FGF12: variants seen among roughly 807,000 people sequenced by gnomAD.
The protein encoded by FGF12 is fibroblast growth factor 12B.
In FGF12, 14 loss-of-function variants were observed where a neutral mutation model predicts 23.6. The observed-to-expected ratio is 0.59, with a 90% confidence interval of 0.39 to 0.93. The LOEUF (loss-of-function observed/expected upper bound fraction) is 0.93. Ranked by LOEUF, FGF12 falls within the 40% of genes least tolerant of loss-of-function variation. The pLI is 0.00. For synonymous variants in FGF12, 62 were observed against 77.3 expected, an observed-to-expected ratio of 0.80 and a Z score of 1.04; for missense variants, 175 against 217.8, an observed-to-expected ratio of 0.80 and a Z score of 1.24.
At chr3:192,314,910 T>C (rs920070997) in intron 4 of FGF12, among the ~76,000 whole-genome samples, 8 of 152,198 alleles carry the variant, frequency 5.3e-5, no homozygotes, top group Admixed American at 5.2e-4. Flanking sequence ...CAGGATTCTT[T>C]AGAAGGTTAA....
At chr3:192,198,443 C>G (rs1717195377) in intron 4 of FGF12, among the ~76,000 whole-genome samples, 1 of 151,912 alleles carries the variant, frequency 6.6e-6, no homozygotes, top group Admixed American at 6.6e-5. Flanking sequence ...AAGCTAAAAT[C>G]AGTAATAATG....
At chr3:192,448,089 G>A (rs1560114289) in intron 2 of FGF12, among the ~76,000 whole-genome samples, 1 of 152,064 alleles carries the variant, frequency 6.6e-6, no homozygotes, top group Non-Finnish European at 1.5e-5. Context: ...ATATATGTGT[G>A]TATACACATA....
At chr3:192,547,389 A>G (rs553107173) in intron 2 of FGF12, among the ~76,000 whole-genome samples, 1 of 151,920 alleles carries the variant, frequency 6.6e-6, no homozygotes, top group Non-Finnish European at 1.5e-5. Context: ...ATAGTTCTCA[A>G]CTCCCTCAAG....
intron 5 of FGF12, among the ~76,000 whole-genome samples, chr3:192,146,401 G>C (rs1189773320): frequency 6.6e-6 from 1 of 151,508 alleles, no homozygotes; most frequent in Non-Finnish European, 1.5e-5. Context: ...CTCCCAAGTA[G>C]CTGGGACTAT....
chr3:192,511,258 C>T (rs1474704973), intron 2 of FGF12, among the ~76,000 whole-genome samples: 1 of 150,580 alleles, frequency 6.6e-6, no homozygotes, highest in East Asian at 1.9e-4. Flanking sequence ...CACACACCTG[C>T]TACTATTACT....
At chr3:192,521,387 G>T (rs1724808532) in intron 2 of FGF12, 1 of 152,096 alleles carries the variant, frequency 6.6e-6, no homozygotes, top group Admixed American at 6.5e-5. Context: ...TTAGCCATAA[G>T]AAAACTTTAA....
intron 2 of FGF12, among the ~76,000 whole-genome samples, chr3:192,653,891 A>G (rs1223508647): frequency 6.6e-6 from 1 of 151,826 alleles, no homozygotes; most frequent in Non-Finnish European, 1.5e-5. Flanking sequence ...ATTTTTGTGT[A>G]TGGGTTTATT....
chr3:192,660,417 G>A (rs979497159), intron 2 of FGF12, among the ~76,000 whole-genome samples: 1 of 150,972 alleles, frequency 6.6e-6, no homozygotes, highest in Non-Finnish European at 1.5e-5. Flanking sequence ...GTTAAATGAT[G>A]AGTTAATGGG....
Position 192,514,635 on chromosome 3 carries a change from G to GT in FGF12, c.14-154098dup. ...AGAAGGGAAGGGGGCATTCTGCAGT[G>GT]TTTGGGGGCTGGGGAAAGAACATTT... On this transcript the variant is annotated intron_variant, in intron 2 of 5. Coordinates refer to ENST00000445105, the MANE Select transcript of FGF12 (RefSeq NM_004113.6). The surrounding 1 kb of genome is among the most constrained non-coding windows in gnomAD (Gnocchi z 4.9). The GT allele has an allele frequency of 1.1e-6, 1 of 950,238 alleles. No homozygotes were observed. 58.9% of individuals were successfully genotyped at this position (950,238 alleles called of 1,614,324 possible).
intron 2 of FGF12, among the ~76,000 whole-genome samples, chr3:192,600,174 C>T (rs1714053710): frequency 6.6e-6 from 1 of 152,020 alleles, no homozygotes; most frequent in African/African-American, 2.4e-5. Flanking sequence ...TTCCTGGCGC[C>T]TTTGTCAAAA....
intron 2 of FGF12, among the ~76,000 whole-genome samples, chr3:192,598,360 C>T (rs1169261836): frequency 6.6e-6 from 1 of 152,130 alleles, no homozygotes; most frequent in East Asian, 1.9e-4. Flanking sequence ...ACACTATCTG[C>T]CTTACTAGCT....
intron 5 of FGF12, among the ~76,000 whole-genome samples, chr3:192,163,549 T>G (rs990924247): frequency 2.6e-5 from 4 of 152,050 alleles, no homozygotes; most frequent in African/African-American, 9.7e-5. Context: ...AACACCAAAT[T>G]CAGAACACTG....
At position 192,393,393 on chromosome 3, in the gene FGF12, T is replaced by C. The variant is rs367715994; in HGVS notation, c.14-32855A>G. 2.6e-5 allele frequency among the ~76,000 whole-genome samples: 4 copies of C among 152,324 alleles called. No homozygotes were observed. The East Asian group carries it at 7.7e-4, about 29-fold the overall frequency. On this transcript the variant is annotated intron_variant, in intron 2 of 5. Transcript: ENST00000445105. ...CCCTCCAAATTGTTTTTGTAAAAGT[T>C]TCCTCATGTTTGACACACACCATGA...
intron 2 of FGF12, among the ~76,000 whole-genome samples, chr3:192,379,081 AC>A (rs1280037416): frequency 6.6e-6 from 1 of 152,168 alleles, no homozygotes; most frequent in Non-Finnish European, 1.5e-5. Flanking sequence ...TGCTAAAGAC[AC>A]GATTTAAATT....
intron 2 of FGF12, among the ~76,000 whole-genome samples, chr3:192,454,251 A>G (rs963962076): frequency 6.6e-6 from 1 of 151,962 alleles, no homozygotes; most frequent in Admixed American, 6.6e-5. Context: ...TGTTAGCCAG[A>G]ATGGTCTCAA....
chr3:192,143,449 T>C lies in FGF12; in HGVS notation c.*560A>G, dbSNP rs1056146113. ...AAATGGTTCCTGGCTATATATTTTA[T>C]AGGTATTAACATAGTTTATAATTTG... On this transcript the variant is annotated 3_prime_UTR_variant, in exon 6 of 6. Coordinates refer to ENST00000445105, the MANE Select transcript of FGF12 (RefSeq NM_004113.6). The C allele has an allele frequency of 1.3e-5, 2 of 152,238 alleles. No individual in the cohort carries two copies. Among genetic ancestry groups the C allele is most frequent in the South Asian group, 4.1e-4 (2 of 4,830 alleles). The allele number at this position is 152,238 out of a possible 1,614,324, so 9.4% of individuals were successfully genotyped here. A position where few individuals can be genotyped will look rare whatever the true frequency, so the allele number is the denominator to read the frequency against.
chr3:192,688,453 GC>G (rs1717837301), intron 2 of FGF12, among the ~76,000 whole-genome samples: 1 of 152,176 alleles, frequency 6.6e-6, no homozygotes, highest in Non-Finnish European at 1.5e-5. Flanking sequence ...CATTTGTAAG[GC>G]TTTGTAAGGC....
At chr3:192,465,291 T>A (rs1001489299) in intron 2 of FGF12, among the ~76,000 whole-genome samples, 1 of 152,180 alleles carries the variant, frequency 6.6e-6, no homozygotes, top group Admixed American at 6.5e-5. Flanking sequence ...ATATTTAAAT[T>A]TCTTCCAAAA....
chr3:192,394,744 G>A (rs1720449075), intron 2 of FGF12, among the ~76,000 whole-genome samples: 2 of 152,076 alleles, frequency 1.3e-5, no homozygotes, highest in Admixed American at 6.6e-5. Context: ...TTTTAAAAAG[G>A]TTGGGTTTCA....
Sources: gnomAD v4.1 joint callset for allele counts (sites outside exome capture counted in the v4.1 genomes callset) on GRCh38, gnomAD v4.1.1 for gene constraint, Gnocchi (gnomAD v3.1) non-coding constraint, MANE v1.5 for transcripts, NCBI Gene and HGNC (gene_info 2026-07-23, HGNC 2026-07-21) for gene names.